Variants in GRIP1 observed in about 807,000 individuals in gnomAD.
The protein encoded by GRIP1 is glutamate receptor-interacting protein 1.
In GRIP1, 45 loss-of-function variants were observed where a neutral mutation model predicts 129.9. The observed-to-expected ratio is 0.35, with a 90% CI of 0.27 to 0.44. The LOEUF is 0.44. GRIP1 is among the 20% of genes least tolerant of loss of function. The probability of loss-of-function intolerance (pLI) is 1.00; values close to 1 mark genes in which losing one functional copy is unlikely to be tolerated. For synonymous variants in GRIP1, 530 were observed against 520.8 expected (o/e 1.02, Z -0.24); for missense variants, 1,196 against 1,396.8 (o/e 0.86, Z 2.29).
intron 1 of GRIP1, among the ~76,000 whole-genome samples, chr12:66,795,614 G>A (rs1355663988): frequency 2.6e-5 from 4 of 152,146 alleles, no homozygotes; most frequent in Non-Finnish European, 4.4e-5. Context: ...AGTAAGTTAT[G>A]TAGAAAATAA....
chr12:66,993,051 T>G (rs1036901798), intron 1 of GRIP1, among the ~76,000 whole-genome samples: 1 of 151,874 alleles, frequency 6.6e-6, no homozygotes. Context: ...GAGGCGGACA[T>G]TGCAGTGAGC....
intron 1 of GRIP1, among the ~76,000 whole-genome samples, chr12:66,636,683 G>A (rs938188927): frequency 1.3e-5 from 2 of 151,460 alleles, no homozygotes; most frequent in Non-Finnish European, 2.9e-5. Context: ...CAGAGCTGGT[G>A]TCTTTATAAA....
At chr12:66,597,122 A>T (rs894225461) in intron 1 of GRIP1, among the ~76,000 whole-genome samples, 195 bp from the exon 2 acceptor site, 2 of 152,190 alleles carry the variant, frequency 1.3e-5, no homozygotes, top group African/African-American at 4.8e-5. Context: ...TTCTTCCCCT[A>T]TAAAAGAGAG....
intron 4 of GRIP1, among the ~76,000 whole-genome samples, chr12:66,537,381 C>A (rs917494996): frequency 6.6e-6 from 1 of 152,074 alleles, no homozygotes; most frequent in Non-Finnish European, 1.5e-5. Context: ...TTAAATAATT[C>A]AATGCAAGTC....
At chr12:66,539,430 C>T (rs1822038429) in intron 3 of GRIP1, among the ~76,000 whole-genome samples, 1 of 151,922 alleles carries the variant, frequency 6.6e-6, no homozygotes, top group Admixed American at 6.6e-5. Flanking sequence ...ATCCCTTTTA[C>T]TCATGCAGCC....
intron 1 of GRIP1, among the ~76,000 whole-genome samples, chr12:66,889,311 A>G (rs1198871333): frequency 6.6e-6 from 1 of 152,138 alleles, no homozygotes; most frequent in East Asian, 1.9e-4. Context: ...AATACAAAAA[A>G]TTAGCCAGGC....
intron 1 of GRIP1, among the ~76,000 whole-genome samples, chr12:66,979,792 G>C (rs1220814746): frequency 6.6e-6 from 1 of 152,116 alleles, no homozygotes; most frequent in African/African-American, 2.4e-5. Context: ...CATGTGATGA[G>C]AGGCAGAAAC....
At chr12:66,917,421 G>A (rs2041141978) in intron 1 of GRIP1, among the ~76,000 whole-genome samples, 1 of 152,206 alleles carries the variant, frequency 6.6e-6, no homozygotes, top group South Asian at 2.1e-4. Flanking sequence ...GCCAGAGATA[G>A]AGAGAAAAAG....
At chr12:66,875,838 A>G (rs1592921882) in intron 1 of GRIP1, among the ~76,000 whole-genome samples, 1 of 152,122 alleles carries the variant, frequency 6.6e-6, no homozygotes, top group East Asian at 1.9e-4. Flanking sequence ...AAAACTGCTG[A>G]GAGATTAATA....
intron 2 of GRIP1, among the ~76,000 whole-genome samples, chr12:66,549,673 T>G (rs1439721336): frequency 2.0e-5 from 3 of 152,118 alleles, no homozygotes; most frequent in African/African-American, 7.2e-5. Flanking sequence ...GAGAAAGGTT[T>G]TTGGGCATTT....
At chr12:66,639,353 T>C (rs1458311073) in intron 1 of GRIP1, among the ~76,000 whole-genome samples, 3 of 152,054 alleles carry the variant, frequency 2.0e-5, no homozygotes, top group African/African-American at 4.8e-5. Context: ...AGAAGTTAGC[T>C]AAAGGAAGAA....
intron 1 of GRIP1, among the ~76,000 whole-genome samples, chr12:67,049,536 G>C (rs993965553): frequency 6.6e-6 from 1 of 152,076 alleles, no homozygotes; most frequent in Non-Finnish European, 1.5e-5. Flanking sequence ...GCAGGGAGGG[G>C]AACTTCACAC....
chr12:66,890,625 ATAGT>A (rs771525628), intron 1 of GRIP1, among the ~76,000 whole-genome samples: 21 of 152,246 alleles, frequency 1.4e-4, no homozygotes, highest in East Asian at 3.8e-4. Context: ...TCAGTATCAA[ATAGT>A]TAGCATCAGG....
intron 2 of GRIP1, among the ~76,000 whole-genome samples, chr12:66,544,215 T>A (rs1473072907): frequency 1.3e-5 from 2 of 152,228 alleles, no homozygotes; most frequent in Non-Finnish European, 2.9e-5. Flanking sequence ...TAAAAACATT[T>A]CAAATGTTTT....
intron 1 of GRIP1, among the ~76,000 whole-genome samples, chr12:66,960,454 G>T (rs2041906450): frequency 6.6e-6 from 1 of 152,144 alleles, no homozygotes; most frequent in Non-Finnish European, 1.5e-5. Flanking sequence ...CAGCAGTGTG[G>T]TAAGATCAGC....
intron 5 of GRIP1, among the ~76,000 whole-genome samples, chr12:66,523,791 A>G (rs565461465): frequency 0.023 from 3,463 of 152,208 alleles, 121 homozygotes; most frequent in African/African-American, 0.08. Context: ...CCCATCTCAC[A>G]TGCAGAGACA....
rs12300183 is a variant in GRIP1, at chr12:66,566,029, G to A, written c.137-24079C>T. 8.3e-3 allele frequency among the ~76,000 whole-genome samples: 1,262 copies of A among 152,248 alleles called. 22 individuals carry two copies. The highest frequency in any genetic ancestry group is 0.028 in the African/African-American group (1,171 of 41,548). ...GCTTAATGAGATTTTGGGCTGAGAC[G>A]ATGGGGTTTTCTAAATATACAATCA... is the stretch of plus-strand genomic sequence containing the variant. On this transcript the variant is annotated intron_variant, in intron 2 of 24. Transcript: ENST00000359742.
intron 1 of GRIP1, among the ~76,000 whole-genome samples, chr12:66,885,631 T>A (rs2040553472): frequency 6.6e-6 from 1 of 152,102 alleles, no homozygotes; most frequent in African/African-American, 2.4e-5. Flanking sequence ...CAGGGGCTCG[T>A]GCCTGAAGAC....
chr12:66,781,258 T>C (rs2038149620), intron 1 of GRIP1, among the ~76,000 whole-genome samples: 1 of 152,216 alleles, frequency 6.6e-6, no homozygotes, highest in Admixed American at 6.5e-5. Flanking sequence ...CAATCAATTT[T>C]CCCTTGCTTT....
Sources: allele counts gnomAD v4.1 joint callset (sites outside exome capture counted in the v4.1 genomes callset), GRCh38; gene constraint gnomAD v4.1.1; transcripts MANE v1.5; gene names NCBI Gene and HGNC (gene_info 2026-07-23, HGNC 2026-07-21).